The following SMAP1 variants were observed in gnomAD, a reference collection of about 807,000 sequenced individuals.
The protein encoded by SMAP1 is small ArfGAP 1.
In SMAP1, 24 loss-of-function variants were observed where a neutral mutation model predicts 58.5. The observed-to-expected ratio is 0.41, with a 90% CI of 0.30 to 0.58. The LOEUF (loss-of-function observed/expected upper bound fraction) is 0.58. SMAP1 is among the 20% of genes least tolerant of loss of function. SMAP1 has a pLI of 0.29. For synonymous variants in SMAP1, 216 were observed against 196.6 expected (o/e 1.10, Z -0.82); for missense variants, 563 against 566.3 (o/e 0.99, Z 0.06).
At chr6:70,795,973 C>T (rs1768588478) in intron 5 of SMAP1, among the ~76,000 whole-genome samples, 1 of 151,986 alleles carries the variant, frequency 6.6e-6, no homozygotes, top group South Asian at 2.1e-4. Context: ...TCGTGATAGG[C>T]CTGCCTCGGC....
chr6:70,855,265 C>T (rs1226757699), intron 8 of SMAP1, among the ~76,000 whole-genome samples: 1 of 152,004 alleles, frequency 6.6e-6, no homozygotes, highest in Non-Finnish European at 1.5e-5. Context: ...ATCCTGGGGT[C>T]GTAGTGCTGG....
Position 70,856,970 on chromosome 6 carries a change from TC to T in SMAP1, c.903del (p.Asp303ThrfsTer54). ...KSEEVAKKQL[S>X]KDSILSLYGT... The stretch of plus-strand genomic sequence containing the variant: ...AGAAGAAGTGGCAAAGAAACAACTT[TC>T]CAAAGACTCCATCTTATCTCTGTAT... On this transcript the variant is annotated frameshift_variant, in exon 9 of 11. Coordinates refer to ENST00000370455, the MANE Select transcript of SMAP1 (RefSeq NM_001044305.3). LOFTEE classifies it high-confidence loss of function. 1 of 1,614,004 alleles carries T rather than the reference TC, an allele frequency of 6.2e-7. No homozygotes were observed. Among genetic ancestry groups the T allele is most frequent in the Non-Finnish European group, 8.5e-7 (1 of 1,179,894 alleles).
chr6:70,845,081 C>A (rs745555742), intron 7 of SMAP1, among the ~76,000 whole-genome samples: 1 of 152,088 alleles, frequency 6.6e-6, no homozygotes, highest in African/African-American at 2.4e-5. Flanking sequence ...AAGGTTCATG[C>A]TCAGTCAAAA....
intron 2 of SMAP1, among the ~76,000 whole-genome samples, chr6:70,746,670 G>C (rs944070774): frequency 6.6e-5 from 10 of 152,152 alleles, no homozygotes; most frequent in African/African-American, 2.4e-4. Flanking sequence ...TTAGTATCAG[G>C]ATGATGTTGG....
At chr6:70,736,284 C>T (rs1582086843) in intron 2 of SMAP1, among the ~76,000 whole-genome samples, 2 of 152,138 alleles carry the variant, frequency 1.3e-5, no homozygotes, top group African/African-American at 4.8e-5. Flanking sequence ...TAATGTGGTT[C>T]ATGGTCAGAT....
At position 70,858,123 on chromosome 6, in the gene SMAP1, C is replaced by G. The variant is rs1771514792; in HGVS notation, c.1163C>G (p.Pro388Arg). 6.2e-7 allele frequency: 1 copy of G among 1,614,020 alleles called. No individual in the cohort carries two copies. The highest frequency in any genetic ancestry group is 1.7e-5 in the Admixed American group (1 of 60,006). ...GCACAAACTGGTGTGATGCCACTTC[C>G]TCAGAACGTTGTTGGCCCCCAAGGA... ...GNAQTGVMPL[P>R]QNVVGPQGGM... Residue 388 changes from proline to arginine, a missense_variant, in exon 10 of 11, where the codon CCT becomes CGT. Physicochemically the swap from Pro to Arg is moderately radical, Grantham distance 103 (BLOSUM62 -2). This residue lies in a region of SMAP1 where 494 missense variants were observed against 473.8 expected (regional missense o/e 1.04). Transcript: ENST00000370455.
At chr6:70,698,668 TG>T (rs1190407105) in intron 1 of SMAP1, among the ~76,000 whole-genome samples, 2 of 152,218 alleles carry the variant, frequency 1.3e-5, no homozygotes, top group Admixed American at 6.5e-5. Context: ...TCAATTCTGC[TG>T]TTGAGAGACT....
intron 4 of SMAP1, among the ~76,000 whole-genome samples, chr6:70,783,820 G>A (rs552363761): frequency 1.1e-4 from 16 of 152,336 alleles, no homozygotes; most frequent in Admixed American, 4.6e-4. Context: ...CGAAATCTAC[G>A]CCTGATTGGT....
intron 4 of SMAP1, among the ~76,000 whole-genome samples, chr6:70,788,306 G>C (rs1273202094): frequency 1.7e-5 from 2 of 115,174 alleles, no homozygotes; most frequent in African/African-American, 3.3e-5. Context: ...GTTGTGGGGT[G>C]GGGGGAGGGG....
At chr6:70,776,725 G>A (rs372795848) in intron 4 of SMAP1, among the ~76,000 whole-genome samples, 25 of 152,194 alleles carry the variant, frequency 1.6e-4, no homozygotes, top group South Asian at 6.2e-4. Context: ...TCACACAGAA[G>A]AATGAGAACA....
At chr6:70,792,325 T>TG (rs1768397442) in intron 5 of SMAP1, among the ~76,000 whole-genome samples, 1 of 102,786 alleles carries the variant, frequency 9.7e-6, no homozygotes, top group Non-Finnish European at 2.2e-5. Context: ...ACTCTTTACC[T>TG]ATTTTTTTTT....
chr6:70,793,924 G>C (rs1768484904), intron 5 of SMAP1, among the ~76,000 whole-genome samples: 1 of 151,968 alleles, frequency 6.6e-6, no homozygotes, highest in Non-Finnish European at 1.5e-5. Flanking sequence ...ATAGAGATAG[G>C]GTTTCTCTGT....
intron 1 of SMAP1, among the ~76,000 whole-genome samples, chr6:70,714,737 G>C (rs919512396): frequency 6.6e-6 from 1 of 151,790 alleles, no homozygotes; most frequent in Non-Finnish European, 1.5e-5. Flanking sequence ...TTGTTGTTTT[G>C]CATCTTTTCA....
intron 3 of SMAP1, among the ~76,000 whole-genome samples, chr6:70,764,999 G>A (rs1222790180): frequency 6.6e-6 from 1 of 152,032 alleles, no homozygotes; most frequent in Admixed American, 6.6e-5. Flanking sequence ...ATGGAATTTT[G>A]CCATGTTGCC....
At chr6:70,703,489 C>T (rs910638990) in intron 1 of SMAP1, among the ~76,000 whole-genome samples, 3 of 152,102 alleles carry the variant, frequency 2.0e-5, no homozygotes, top group Admixed American at 2.0e-4. Context: ...TTGGAAATAG[C>T]CTGACTTTTT....
intron 4 of SMAP1, among the ~76,000 whole-genome samples, chr6:70,781,656 A>G (rs149950080): frequency 1.5e-4 from 23 of 152,344 alleles, no homozygotes; most frequent in African/African-American, 5.0e-4. Context: ...TTGGACCACC[A>G]GATTTAATTT....
At chr6:70,811,699 A>G (rs1410013741) in intron 6 of SMAP1, among the ~76,000 whole-genome samples, 4 of 152,182 alleles carry the variant, frequency 2.6e-5, no homozygotes, top group Non-Finnish European at 5.9e-5. Flanking sequence ...GATTACTTAT[A>G]TAGTAATACA....
At position 70,860,841 on chromosome 6, in the gene SMAP1, T is replaced by C. The variant is rs954188680; in HGVS notation, c.*507T>C. The C allele has an allele frequency of 2.0e-5, 8 of 395,944 alleles. No individual in the cohort carries two copies. Among genetic ancestry groups the C allele is most frequent in the Non-Finnish European group, 3.6e-5 (8 of 224,358 alleles). 24.5% of individuals were successfully genotyped at this position (395,944 alleles called of 1,614,324 possible). On this transcript the variant is annotated 3_prime_UTR_variant, in exon 11 of 11. Transcript: ENST00000370455. ...TTTCATCATTCACTTCACTGTGCTG[T>C]TGTTATGATGTGCTTAACAGGGAAC...
chr6:70,672,436 TCTC>T (rs747807160), intron 1 of SMAP1, among the ~76,000 whole-genome samples: 2 of 152,172 alleles, frequency 1.3e-5, no homozygotes, highest in Non-Finnish European at 2.9e-5. Flanking sequence ...GGGAAATAAT[TCTC>T]CTTGATCCTC....
Sources: gnomAD v4.1 joint callset for allele counts (sites outside exome capture counted in the v4.1 genomes callset) on GRCh38, gnomAD v4.1.1 for gene constraint, gnomAD v4.1.1 regional missense constraint, MANE v1.5 for transcripts, NCBI Gene and HGNC (gene_info 2026-07-23, HGNC 2026-07-21) for gene names.